The following GALNT14 variants were observed in gnomAD, a reference collection of about 807,000 sequenced individuals.
GALNT14 encodes polypeptide N-acetylgalactosaminyltransferase 14.
GALNT14 carries 60 observed loss-of-function variants against 77.5 expected under a neutral mutation model. That is an observed-to-expected ratio of 0.77 (90% CI 0.63 to 0.96). The LOEUF (loss-of-function observed/expected upper bound fraction) is 0.96, where lower values mean the gene tolerates loss of function less well. Ranked by LOEUF, GALNT14 falls within the 40% of genes least tolerant of loss-of-function variation. The pLI is 0.00. For missense variants in GALNT14, 710 were observed against 731.0 expected, an observed-to-expected ratio of 0.97 and a Z score of 0.33; for synonymous variants, 280 against 281.7, an observed-to-expected ratio of 0.99 and a Z score of 0.06.
At position 31,033,694 on chromosome 2, in the gene GALNT14, A is replaced by G. The variant is rs1405402637; in HGVS notation, c.130-40687T>C. Reference sequence around the variant, plus strand: ...CATCCCTAACCGTTTTGACTTCTCCAGCGAGTGAGTCTTTGTCCATCCTAT... The same window carrying G: ...CATCCCTAACCGTTTTGACTTCTCCGGCGAGTGAGTCTTTGTCCATCCTAT... On this transcript the variant is annotated intron_variant, in intron 1 of 14. Coordinates refer to ENST00000349752, the MANE Select transcript of GALNT14 (RefSeq NM_024572.4). Among the ~76,000 whole-genome samples, 4 of 151,924 alleles carry G rather than the reference A, an allele frequency of 2.6e-5. 1 individual carries two copies. Among genetic ancestry groups the G allele is most frequent in the Admixed American group, 2.6e-4 (4 of 15,258 alleles).
At chr2:31,025,166 T>C (rs1671961481) in intron 1 of GALNT14, among the ~76,000 whole-genome samples, 1 of 152,250 alleles carries the variant, frequency 6.6e-6, no homozygotes, top group African/African-American at 2.4e-5. Context: ...CATTTCACCC[T>C]TGCCATAATT....
intron 2 of GALNT14, among the ~76,000 whole-genome samples, chr2:30,970,006 A>T (rs1451843879): frequency 6.6e-6 from 1 of 152,234 alleles, no homozygotes; most frequent in Non-Finnish European, 1.5e-5. Context: ...AATGGAGATA[A>T]CAATTCTGGA....
In GALNT14 at chr2:30,958,517, T is replaced by C. The variant is rs888571250; in HGVS notation, c.399-53A>G. On this transcript the variant is annotated intron_variant, in intron 3 of 14. Coordinates refer to ENST00000349752, the MANE Select transcript of GALNT14 (RefSeq NM_024572.4). ...CTGGAACTTCTAGTGGCAAAATATA[T>C]GTACTAACCCGAGTTTTAAATAGAT... 9 of 1,413,100 alleles carry C rather than the reference T, an allele frequency of 6.4e-6. No individual in the cohort carries two copies. The African/African-American group carries it at 9.9e-5, about 16-fold the overall frequency. 87.5% of individuals were successfully genotyped at this position (1,413,100 alleles called of 1,614,324 possible).
At chr2:31,028,424 C>A (rs1320268575) in intron 1 of GALNT14, among the ~76,000 whole-genome samples, 1 of 152,182 alleles carries the variant, frequency 6.6e-6, no homozygotes, top group Non-Finnish European at 1.5e-5. Flanking sequence ...TAGAAAGAGA[C>A]CCTAATTCAG....
the GALNT14 span, among the ~76,000 whole-genome samples, chr2:30,892,895 G>A: frequency 2.0e-5 from 3 of 152,164 alleles, no homozygotes; most frequent in Non-Finnish European, 2.9e-5. Context: ...TGAAATCTCA[G>A]GACTCTTCAT....
At chr2:30,890,460 GA>G in the GALNT14 span, among the ~76,000 whole-genome samples, 6 of 152,254 alleles carry the variant, frequency 3.9e-5, no homozygotes, top group East Asian at 1.2e-3. Flanking sequence ...TAGGGTTGTT[GA>G]AAACTCTCAA....
Position 31,075,395 on chromosome 2 carries a change from G to A in GALNT14, c.129+62563C>T, listed in dbSNP as rs369086479. Among the ~76,000 whole-genome samples the A allele has an allele frequency of 2.5e-3, 379 of 152,282 alleles. 3 individuals are homozygous for A. Among genetic ancestry groups the A allele is most frequent in the African/African-American group, 8.8e-3 (367 of 41,546 alleles). On this transcript the variant is annotated intron_variant, in intron 1 of 14. Transcript: ENST00000349752. ...TCTTTCATATGCAAATGTGTCTCCT[G>A]CATCTTTGAGCCTCCACCCACCTAG...
chr2:30,966,262 T>C lies in GALNT14; in HGVS notation c.340A>G (p.Ser114Gly). Residue 114 changes from serine to glycine, a missense_variant, in exon 3 of 15, where the codon AGC (serine) becomes GGC (glycine). Physicochemically the swap from Ser to Gly is moderately conservative, Grantham distance 56. Transcript: ENST00000349752. ...LVYCTDLPPT[S>G]IIITFHNEAR... ...TCGTTGTGGAAGGTGATGATGATGC[T>C]AGTGGGTGGAAGGTCCGTGCAATAC... is the stretch of plus-strand genomic sequence containing the variant. 6.2e-7 allele frequency: 1 copy of C among 1,613,906 alleles called. No homozygotes were observed. Among genetic ancestry groups the C allele is most frequent in the Non-Finnish European group, 8.5e-7 (1 of 1,179,940 alleles).
intron 1 of GALNT14, among the ~76,000 whole-genome samples, chr2:31,068,303 A>G (rs2148557071): frequency 6.6e-6 from 1 of 152,218 alleles, no homozygotes; most frequent in East Asian, 1.9e-4. Flanking sequence ...CGTGGCCAAC[A>G]TGGCGAAACC....
chr2:30,933,293 T>C (rs887165178), intron 9 of GALNT14, among the ~76,000 whole-genome samples: 1 of 152,114 alleles, frequency 6.6e-6, no homozygotes, highest in Non-Finnish European at 1.5e-5. Flanking sequence ...CAGCTCCTCA[T>C]GTGTAGGTAT....
intron 2 of GALNT14, among the ~76,000 whole-genome samples, chr2:30,972,982 G>A (rs1372323455): frequency 6.6e-6 from 1 of 152,180 alleles, no homozygotes; most frequent in African/African-American, 2.4e-5. Flanking sequence ...TAAACAAAAA[G>A]CTATGTTGAC....
intron 1 of GALNT14, among the ~76,000 whole-genome samples, chr2:31,019,955 C>T (rs767125833): frequency 2.6e-4 from 40 of 152,102 alleles, no homozygotes; most frequent in Non-Finnish European, 1.6e-4. Context: ...AAGGGGCGAG[C>T]GGTGGCTCAG....
At chr2:31,018,682 G>A (rs980899118) in intron 1 of GALNT14, among the ~76,000 whole-genome samples, 10 of 152,140 alleles carry the variant, frequency 6.6e-5, no homozygotes, top group Non-Finnish European at 1.5e-4. Flanking sequence ...TAAGGTATTT[G>A]ACAAATGACA....
At chr2:31,043,605 G>A (rs1673238660) in intron 1 of GALNT14, among the ~76,000 whole-genome samples, 1 of 152,056 alleles carries the variant, frequency 6.6e-6, no homozygotes. Context: ...CTCCAGACAA[G>A]ATATTAAAAC....
chr2:31,038,377 A>T (rs2148494224), intron 1 of GALNT14, among the ~76,000 whole-genome samples: 1 of 151,970 alleles, frequency 6.6e-6, no homozygotes, highest in East Asian at 2.0e-4. Context: ...TACAGGTGTG[A>T]GCCACCGCAC....
At chr2:30,928,081 T>C (rs76556599) in intron 11 of GALNT14, among the ~76,000 whole-genome samples, 4,222 of 152,224 alleles carry the variant, frequency 0.028, 187 homozygotes, top group African/African-American at 0.097. Context: ...GTGGTTGATA[T>C]GGCCAACAGA....
At chr2:30,949,889 A>C (rs1451923130) in intron 6 of GALNT14, among the ~76,000 whole-genome samples, 2 of 151,920 alleles carry the variant, frequency 1.3e-5, no homozygotes, top group Non-Finnish European at 2.9e-5. Context: ...GCCTGAAGGG[A>C]GGGGTGGGGA....
intron 1 of GALNT14, among the ~76,000 whole-genome samples, chr2:30,999,294 C>T (rs1670220506): frequency 6.6e-6 from 1 of 152,206 alleles, no homozygotes; most frequent in South Asian, 2.1e-4. Context: ...CTAGATATGT[C>T]CTTCTTATAT....
intron 1 of GALNT14, among the ~76,000 whole-genome samples, chr2:31,039,901 G>C (rs547651632): frequency 6.6e-6 from 1 of 152,168 alleles, no homozygotes; most frequent in Non-Finnish European, 1.5e-5. Context: ...TCAGAGCCAA[G>C]TAATAAGAAA....
Sources: gnomAD v4.1 joint callset for allele counts (sites outside exome capture counted in the v4.1 genomes callset) on GRCh38, gnomAD v4.1.1 for gene constraint, MANE v1.5 for transcripts, NCBI Gene and HGNC (gene_info 2026-07-23, HGNC 2026-07-21) for gene names.